ANXA9: variants seen among roughly 807,000 people sequenced by gnomAD.
ANXA9 encodes annexin 31.
In ANXA9, 47 loss-of-function variants were observed where a neutral mutation model predicts 51.8. The ratio of observed to expected loss-of-function variants is 0.91; its 90% CI spans 0.72 to 1.16. The LOEUF (loss-of-function observed/expected upper bound fraction) is 1.16, where lower values mean the gene tolerates loss of function less well. ANXA9 is among the 50% of genes most tolerant of loss of function. The probability of loss-of-function intolerance (pLI) is 0.00; values close to 1 mark genes in which losing one functional copy is unlikely to be tolerated. For synonymous variants in ANXA9, 154 were observed against 168.7 expected, an observed-to-expected ratio of 0.91 and a Z score of 0.68; for missense variants, 361 against 424.7, an observed-to-expected ratio of 0.85 and a Z score of 1.32.
At chr1:150,988,633 T>C (rs983496889) in intron 12 of ANXA9, among the ~76,000 whole-genome samples, 19 of 152,210 alleles carry the variant, frequency 1.2e-4, no homozygotes, top group African/African-American at 4.3e-4. Flanking sequence ...GCAGGCTTAG[T>C]TGTTGCCAGA....
At chr1:150,977,902 G>A (rs587762370), upstream of ANXA9, among the ~76,000 whole-genome samples, 22 of 152,318 alleles carry the variant, frequency 1.4e-4, no homozygotes, top group African/African-American at 5.1e-4. Flanking sequence ...TTGGGAGGCC[G>A]AGGTGGGTGG....
chr1:150,994,625 T>C lies in ANXA9; in HGVS notation c.901T>C (p.Cys301Arg). The change falls in exon 13 of 14, where the codon TGT (cysteine) becomes CGT (arginine). Residue 301 changes from cysteine (C) to arginine (R), a missense_variant. Physicochemically the swap from Cys to Arg is radical, Grantham distance 180 (BLOSUM62 -3). Coordinates refer to ENST00000368947, the MANE Select transcript of ANXA9 (RefSeq NM_003568.3). ...CCTGATTCGCATCCTTATCTCTCGATGTGAGACTGACCTTCTGAGTATCAG... is the reference window on the plus strand; with the variant it reads ...CCTGATTCGCATCCTTATCTCTCGACGTGAGACTGACCTTCTGAGTATCAG... ...QVLIRILISR[C>R]ETDLLSIRAE... The C allele has an allele frequency of 1.2e-6, 2 of 1,614,150 alleles. No homozygotes were observed. Among genetic ancestry groups the C allele is most frequent in the Admixed American group, 3.3e-5 (2 of 60,020 alleles).
chr1:150,988,698 C>T (rs1671628097), intron 12 of ANXA9, among the ~76,000 whole-genome samples: 1 of 152,186 alleles, frequency 6.6e-6, no homozygotes, highest in Admixed American at 6.5e-5. Flanking sequence ...TTTGCAGGTG[C>T]TGATTGTGTG....
rs777607569 is a variant in ANXA9 at position 150,983,374 on chromosome 1, T to C, written c.112T>C (p.Phe38Leu). The C allele has an allele frequency of 6.2e-7, 1 of 1,614,074 alleles. No individual in the cohort carries two copies. The highest frequency in any genetic ancestry group is 2.2e-5 in the East Asian group (1 of 44,886). ...AWGTLGTLRT[F>L]LNFSVDKDAQ... ...GGGGACCCTGGGCACCCTCAGGACCTTCTTGAACTTCAGCGTGGACAAGGA... is the reference window on the plus strand; with the variant it reads ...GGGGACCCTGGGCACCCTCAGGACCCTCTTGAACTTCAGCGTGGACAAGGA... The change falls in exon 4 of 14, where the codon TTC becomes CTC. Residue 38 changes from phenylalanine (F) to leucine (L), a missense_variant. Transcript: ENST00000368947.
chr1:150,986,655 T>A lies in ANXA9; in HGVS notation c.606T>A (p.Asp202Glu), dbSNP rs752078439. 7 of 1,595,948 alleles carry A rather than the reference T, an allele frequency of 4.4e-6. No homozygotes were observed. The Admixed American group carries it at 1.3e-4, about 30-fold the overall frequency. Residue 202 changes from aspartate (D) to glutamate (E), a missense_variant, in exon 9 of 14, where the codon GAT becomes GAA. Physicochemically the swap from Asp to Glu is conservative, Grantham distance 45. Coordinates refer to ENST00000368947, the MANE Select transcript of ANXA9 (RefSeq NM_003568.3). ...GIIDYNLAEQ[D>E]VQALQRAEGP... ...TTGACTATAATCTGGCAGAACAAGA[T>A]GTCCAGGTGAGCAGGGGGTTTAGGA...
rs776494015 is a variant in ANXA9 at position 150,984,269 on chromosome 1, C to A, written c.268-12C>A. ...ACCCCCGTCCCTCTGCTGTGAGGAC[C>A]ATTTATTGTAGGACCTGATGAAGTC... is the stretch of plus-strand genomic sequence containing the variant. On this transcript the variant is annotated splice_polypyrimidine_tract_variant and intron_variant, in intron 5 of 13. Transcript: ENST00000368947. 11 of 1,611,944 alleles carry A rather than the reference C, an allele frequency of 6.8e-6. No homozygotes were observed. Among genetic ancestry groups the A allele is most frequent in the African/African-American group, 1.3e-5 (1 of 74,874 alleles).
chr1:150,993,581 A>G (rs952898556), intron 12 of ANXA9, among the ~76,000 whole-genome samples: 2 of 147,804 alleles, frequency 1.4e-5, no homozygotes, highest in Non-Finnish European at 3.0e-5. Context: ...AAATTCTGGG[A>G]TTACAGGCAT....
At chr1:150,979,468 G>T (rs749022148), upstream of ANXA9, among the ~76,000 whole-genome samples, 1 of 152,160 alleles carries the variant, frequency 6.6e-6, no homozygotes, top group African/African-American at 2.4e-5. Context: ...ATGTGTCTGA[G>T]GTCAGCCTCG....
intron 9 of ANXA9, 59 bp downstream of exon 9, chr1:150,986,720 C>T: frequency 2.7e-6 from 4 of 1,500,434 alleles, no homozygotes; most frequent in Non-Finnish European, 3.6e-6. Context: ...CCTTCCTCCA[C>T]CATATCTTAG....
intron 12 of ANXA9, among the ~76,000 whole-genome samples, chr1:150,990,157 G>A (rs182637274): frequency 0.011 from 1,622 of 151,072 alleles, 117 homozygotes; most frequent in Admixed American, 0.098. Context: ...AAAATAAGAA[G>A]AAAATTTGCC....
intron 12 of ANXA9, among the ~76,000 whole-genome samples, chr1:150,991,464 T>A (rs1191178208): frequency 6.6e-6 from 1 of 151,746 alleles, no homozygotes; most frequent in Non-Finnish European, 1.5e-5. Flanking sequence ...CCTTAACTCC[T>A]GATCTCGTGA....
At position 150,988,081 on chromosome 1, in the gene ANXA9, C is replaced by G. The variant is rs376529122; in HGVS notation, c.698-10C>G. ...CATCCATCTTTCTAACTGCCTCCTACACACACAAGTGTTTGATCAGTACCA... is the reference window on the plus strand; with the variant it reads ...CATCCATCTTTCTAACTGCCTCCTAGACACACAAGTGTTTGATCAGTACCA... On this transcript the variant is annotated splice_polypyrimidine_tract_variant and intron_variant, in intron 10 of 13. Coordinates refer to ENST00000368947, the MANE Select transcript of ANXA9 (RefSeq NM_003568.3). 3 of 1,614,192 alleles carry G rather than the reference C, an allele frequency of 1.9e-6. No homozygotes were observed. The highest frequency in any genetic ancestry group is 1.7e-6 in the Non-Finnish European group (2 of 1,180,018).
chr1:150,986,331 C>T lies in ANXA9; in HGVS notation c.473-5C>T, dbSNP rs2102793435. On this transcript the variant is annotated splice_region_variant and splice_polypyrimidine_tract_variant and intron_variant, in intron 7 of 13. Transcript: ENST00000368947. ...GGATTCAGAGAGCTCCTCACCCCACCCCAGATTTCCAGGTGGAGGCTGTGG... is the reference window on the plus strand; with the variant it reads ...GGATTCAGAGAGCTCCTCACCCCACTCCAGATTTCCAGGTGGAGGCTGTGG... The T allele has an allele frequency of 6.2e-7, 1 of 1,613,922 alleles. No homozygotes were observed. The highest frequency in any genetic ancestry group is 1.1e-5 in the South Asian group (1 of 91,088).
chr1:150,990,768 C>T (rs1481146672), intron 12 of ANXA9, among the ~76,000 whole-genome samples: 1 of 152,090 alleles, frequency 6.6e-6, no homozygotes, highest in Non-Finnish European at 1.5e-5. Flanking sequence ...GAATCTCGAG[C>T]CTGGGAAGCA....
At chr1:150,979,617 G>A (rs1019789084), upstream of ANXA9, among the ~76,000 whole-genome samples, 3 of 152,138 alleles carry the variant, frequency 2.0e-5, no homozygotes, top group African/African-American at 2.4e-5. Context: ...TGTGGGGCTG[G>A]AGCCAGAGAC....
intron 4 of ANXA9, 103 bp downstream of exon 4, chr1:150,983,537 T>A: frequency 8.7e-7 from 1 of 1,146,568 alleles, no homozygotes; most frequent in Non-Finnish European, 1.2e-6. Flanking sequence ...GAAATGTTTG[T>A]GGAATGCCTT....
At chr1:150,981,931 C>G (rs1194381047), upstream of ANXA9, 4 of 152,260 alleles carry the variant, frequency 2.6e-5, no homozygotes, top group African/African-American at 9.7e-5. Context: ...GACCTGCCCC[C>G]CAGGGAGCTG....
At chr1:150,990,227 C>T (rs1671662716) in intron 12 of ANXA9, among the ~76,000 whole-genome samples, 1 of 125,444 alleles carries the variant, frequency 8.0e-6, no homozygotes, top group Non-Finnish European at 1.6e-5. Context: ...GGGAGGATTG[C>T]TTGAGCCCAT....
At chr1:150,986,562 G>A in intron 8 of ANXA9, 40 bp from the exon 9 acceptor site, 2 of 1,605,352 alleles carry the variant, frequency 1.2e-6, no homozygotes, top group Non-Finnish European at 1.7e-6. Context: ...ATAAAAAGGT[G>A]CCCTTCAAAG....
Sources: allele counts gnomAD v4.1 joint callset (sites outside exome capture counted in the v4.1 genomes callset), GRCh38; gene constraint gnomAD v4.1.1; transcripts MANE v1.5; gene names NCBI Gene and HGNC (gene_info 2026-07-23, HGNC 2026-07-21).